Variants in VTI1A observed in about 807,000 individuals in gnomAD.
The protein encoded by VTI1A is vesicle transport through interaction with t-SNAREs 1A, also known as vesicle transport through interaction with t-SNAREs homolog 1A.
In VTI1A, 22 loss-of-function variants were observed where a neutral mutation model predicts 34.9. The ratio of observed to expected loss-of-function variants is 0.63; its 90% CI spans 0.45 to 0.90. The LOEUF (loss-of-function observed/expected upper bound fraction) is 0.90, where lower values mean the gene tolerates loss of function less well. Ranked by LOEUF, VTI1A falls within the 40% of genes least tolerant of loss-of-function variation. The pLI is 0.00. For synonymous variants in VTI1A, 87 were observed against 97.3 expected (o/e 0.89, Z 0.62); for missense variants, 268 against 275.6 (o/e 0.97, Z 0.20).
At chr10:112,844,363 C>G in the VTI1A span, among the ~76,000 whole-genome samples, 3 of 152,162 alleles carry the variant, frequency 2.0e-5, no homozygotes, top group African/African-American at 4.8e-5. Context: ...AAGCCTGGAT[C>G]TTTTCATTAT....
chr10:112,514,322 TC>T (rs1363883011), intron 3 of VTI1A, among the ~76,000 whole-genome samples: 10 of 151,938 alleles, frequency 6.6e-5, no homozygotes, highest in Admixed American at 3.9e-4. Context: ...TTTCTTATGA[TC>T]CTTTGTATTT....
intron 2 of VTI1A, among the ~76,000 whole-genome samples, chr10:112,463,204 G>A (rs1366494988): frequency 1.3e-5 from 2 of 152,020 alleles, no homozygotes; most frequent in Non-Finnish European, 1.5e-5. Flanking sequence ...GGATTACAGG[G>A]GTGAGCCACT....
At chr10:112,462,041 G>A (rs1847745408) in intron 2 of VTI1A, among the ~76,000 whole-genome samples, 1 of 152,112 alleles carries the variant, frequency 6.6e-6, no homozygotes, top group Non-Finnish European at 1.5e-5. Flanking sequence ...GTAGAGACAG[G>A]GTTTCACCAT....
chr10:112,611,195 C>T (rs1303759220), intron 5 of VTI1A, among the ~76,000 whole-genome samples: 1 of 152,164 alleles, frequency 6.6e-6, no homozygotes, highest in Non-Finnish European at 1.5e-5. Context: ...CTTGCTGTGG[C>T]CAAAGTCCAG....
At chr10:112,557,445 A>G (rs982023465) in intron 5 of VTI1A, among the ~76,000 whole-genome samples, 3 of 152,190 alleles carry the variant, frequency 2.0e-5, no homozygotes, top group African/African-American at 4.8e-5. Flanking sequence ...GATTTTGTAT[A>G]AAGCAATTAT....
At chr10:112,675,852 G>A (rs1444713806) in intron 7 of VTI1A, among the ~76,000 whole-genome samples, 4 of 152,088 alleles carry the variant, frequency 2.6e-5, no homozygotes, top group Non-Finnish European at 5.9e-5. Context: ...TGGCTCTGCC[G>A]CTTTTTAGCT....
rs1554944441 is a variant in VTI1A, at chr10:112,696,114, A to ATG, written c.560+27117_560+27118dup. On this transcript the variant is annotated intron_variant, in intron 7 of 7. Transcript: ENST00000393077. ...AATGATTATATATATATATATATAT[A>ATG]TGCACGTGAGCACATCCAGGGAAAT... 9.3e-5 allele frequency among the ~76,000 whole-genome samples: 14 copies of ATG among 151,314 alleles called. 1 individual carries two copies. Among genetic ancestry groups the ATG allele is most frequent in the African/African-American group, 3.4e-4 (14 of 41,028 alleles).
At chr10:112,672,886 A>G (rs1016717888) in intron 7 of VTI1A, 6 of 152,224 alleles carry the variant, frequency 3.9e-5, no homozygotes, top group African/African-American at 1.2e-4. Context: ...ATTTGTTTCT[A>G]AAAGTATATG....
At chr10:112,848,206 C>A in the VTI1A span, among the ~76,000 whole-genome samples, 4 of 152,192 alleles carry the variant, frequency 2.6e-5, no homozygotes, top group Non-Finnish European at 5.9e-5. Flanking sequence ...GCTTGTAGTT[C>A]TGTAACTGGC....
At chr10:112,814,367 T>C (rs1184020072) in intron 7 of VTI1A, among the ~76,000 whole-genome samples, 1 of 152,220 alleles carries the variant, frequency 6.6e-6, no homozygotes, top group Non-Finnish European at 1.5e-5. Context: ...CATGTCTCTA[T>C]TTCCGTGCAG....
At chr10:112,821,263 C>T (rs1342896656), downstream of VTI1A, among the ~76,000 whole-genome samples, 10 of 152,158 alleles carry the variant, frequency 6.6e-5, no homozygotes, top group African/African-American at 1.7e-4. Context: ...AACCCGGCTC[C>T]GCCGAGAGCT....
In VTI1A at chr10:112,736,750, C is replaced by T. The variant is rs565025776; in HGVS notation, c.560+67752C>T. On this transcript the variant is annotated intron_variant, in intron 7 of 7. Coordinates refer to ENST00000393077, the MANE Select transcript of VTI1A (RefSeq NM_145206.4). ...GTTGTTCTGTGAAAAAACAATGTAACCTGTCTCTGGCCCCAAAGGCTTGAA... is the reference window on the plus strand; with the variant it reads ...GTTGTTCTGTGAAAAAACAATGTAATCTGTCTCTGGCCCCAAAGGCTTGAA... The T allele has an allele frequency of 2.6e-6, 4 of 1,549,394 alleles. No individual in the cohort carries two copies. The African/African-American group carries it at 4.1e-5, about 16-fold the overall frequency.
chr10:112,551,646 A>G (rs1851364487), intron 5 of VTI1A, among the ~76,000 whole-genome samples: 1 of 152,248 alleles, frequency 6.6e-6, no homozygotes, highest in Admixed American at 6.5e-5. Context: ...CAAAATGCCT[A>G]TGGGAAAATA....
chr10:112,701,177 T>C (rs1337717972), intron 7 of VTI1A, among the ~76,000 whole-genome samples: 2 of 152,344 alleles, frequency 1.3e-5, no homozygotes, highest in South Asian at 2.1e-4. Context: ...TGTAGCTGGC[T>C]TTAAAGATAA....
chr10:112,551,135 T>A (rs942895982), intron 5 of VTI1A, among the ~76,000 whole-genome samples: 2 of 150,614 alleles, frequency 1.3e-5, no homozygotes, highest in African/African-American at 4.9e-5. Context: ...TCCCAGCTAC[T>A]CCGGAGGCTG....
chr10:112,727,605 C>T (rs112616650), intron 7 of VTI1A, among the ~76,000 whole-genome samples: 3 of 151,918 alleles, frequency 2.0e-5, no homozygotes, highest in South Asian at 2.1e-4. Flanking sequence ...GCTTTCGGGA[C>T]GGTTTGTATT....
chr10:112,638,342 T>C (rs1371400370), intron 5 of VTI1A, among the ~76,000 whole-genome samples: 1 of 152,198 alleles, frequency 6.6e-6, no homozygotes, highest in Non-Finnish European at 1.5e-5. Flanking sequence ...TGGACAAATA[T>C]GCTGAAATGT....
intron 4 of VTI1A, among the ~76,000 whole-genome samples, chr10:112,533,786 A>G (rs1564816362): frequency 6.7e-6 from 1 of 149,628 alleles, no homozygotes; most frequent in African/African-American, 2.5e-5. Flanking sequence ...GGACAAAGTT[A>G]ATACTTTAAA....
chr10:112,776,092 G>A (rs112545811), intron 7 of VTI1A, among the ~76,000 whole-genome samples: 216 of 152,318 alleles, frequency 1.4e-3, no homozygotes, highest in African/African-American at 4.9e-3. Context: ...TTGTGGCCCC[G>A]AGGGTAATAA....
Sources: allele counts gnomAD v4.1 joint callset (sites outside exome capture counted in the v4.1 genomes callset), GRCh38; gene constraint gnomAD v4.1.1; transcripts MANE v1.5; gene names NCBI Gene and HGNC (gene_info 2026-07-23, HGNC 2026-07-21).